Variants in SNX25 observed in about 807,000 individuals in gnomAD.
SNX25 encodes sorting nexin-25.
A neutral mutation model predicts 113.7 loss-of-function variants in SNX25; 62 were observed. The observed-to-expected ratio is 0.55, with a 90% CI of 0.44 to 0.67. The LOEUF is 0.67. Ranked by LOEUF, SNX25 falls within the 30% of genes least tolerant of loss-of-function variation. The pLI, the probability that SNX25 is intolerant of heterozygous loss-of-function variation, is 0.00. For missense variants in SNX25, 1,014 were observed against 1,161.0 expected, an observed-to-expected ratio of 0.87 and a Z score of 1.84; for synonymous variants, 421 against 436.2, an observed-to-expected ratio of 0.97 and a Z score of 0.43.
At chr4:185,366,219 T>C (rs1233221826), downstream of SNX25, 1 of 152,256 alleles carries the variant, frequency 6.6e-6, no homozygotes, top group Non-Finnish European at 1.5e-5. Flanking sequence ...CCTTCATAGA[T>C]GTCATCTATA....
Position 185,310,615 on chromosome 4 carries a change from G to C in SNX25, c.1163-20G>C. 1.9e-6 allele frequency: 3 copies of C among 1,607,714 alleles called. No individual in the cohort carries two copies. Among genetic ancestry groups the C allele is most frequent in the Non-Finnish European group, 2.6e-6 (3 of 1,176,356 alleles). ...ATGCCTTGTCCTCTGACCAGGTACTGTTTCTCACTCCTATTCAAGGTAAAG... is the reference window on the plus strand; with the variant it reads ...ATGCCTTGTCCTCTGACCAGGTACTCTTTCTCACTCCTATTCAAGGTAAAG... On this transcript the variant is annotated intron_variant, in intron 6 of 18. Transcript: ENST00000652585.
intron 9 of SNX25, 150 bp from the exon 10 acceptor site, chr4:185,332,445 C>A: frequency 1.3e-6 from 1 of 754,560 alleles, no homozygotes; most frequent in East Asian, 3.1e-5. Flanking sequence ...TTTGATTTTT[C>A]TCTTTGCTGA....
chr4:185,321,002 A>C, intron 8 of SNX25, 138 bp downstream of exon 8: 1 of 665,292 alleles, frequency 1.5e-6, no homozygotes, highest in Non-Finnish European at 2.2e-6. Flanking sequence ...ATTATGTTCT[A>C]GCCCATAATG....
At chr4:185,318,938 A>G (rs1055269996) in intron 7 of SNX25, among the ~76,000 whole-genome samples, 1 of 152,158 alleles carries the variant, frequency 6.6e-6, no homozygotes, top group African/African-American at 2.4e-5. Context: ...ATATCTCCAC[A>G]GGTAGCTACT....
intron 5 of SNX25, among the ~76,000 whole-genome samples, chr4:185,274,685 A>G (rs1357043474): frequency 6.6e-6 from 1 of 152,228 alleles, no homozygotes; most frequent in African/African-American, 2.4e-5. Context: ...ACTCAAGAGG[A>G]GAAAACTTTG....
In SNX25 at chr4:185,212,467, G is replaced by GTC. The variant is rs1336612748; in HGVS notation, c.429+2213_429+2214insCT. 3.6e-3 allele frequency among the ~76,000 whole-genome samples: 288 copies of GTC among 79,794 alleles called. 6 individuals are homozygous for GTC. Among genetic ancestry groups the GTC allele is most frequent in the African/African-American group, 0.013 (276 of 20,936 alleles). The allele number at this position is 79,794 out of a possible 152,430, so 52.3% of individuals were successfully genotyped here. A position where few individuals can be genotyped will look rare whatever the true frequency, so the allele number is the denominator to read the frequency against. ...GTATTTCCAATAATTTGTGTGATGT[G>GTC]TGTGTGTGTGTGTGTGTGTGTGTGT... On this transcript the variant is annotated intron_variant, in intron 1 of 18. Coordinates refer to ENST00000652585, the MANE Select transcript of SNX25 (RefSeq NM_001378034.2).
At chr4:185,223,489 T>C (rs1740324390) in intron 1 of SNX25, among the ~76,000 whole-genome samples, 1 of 152,150 alleles carries the variant, frequency 6.6e-6, no homozygotes, top group Non-Finnish European at 1.5e-5. Context: ...GGCAAAACTT[T>C]GGCTAGTGGT....
chr4:185,212,491 G>GTGTGTGTGTTTGTTTTT (rs546083196), intron 1 of SNX25, among the ~76,000 whole-genome samples: 2 of 104,944 alleles, frequency 1.9e-5, no homozygotes, highest in East Asian at 2.7e-4. Context: ...GTGTGTGTGT[G>GTGTGTGTGTTTGTTTTT]TTTTTTTTTT....
At chr4:185,307,033 T>TA (rs1283805514) in intron 6 of SNX25, among the ~76,000 whole-genome samples, 1 of 152,202 alleles carries the variant, frequency 6.6e-6, no homozygotes, top group Non-Finnish European at 1.5e-5. Flanking sequence ...TGACAGATCA[T>TA]CTTGAACAAG....
At chr4:185,353,722 A>T in intron 15 of SNX25, 120 bp downstream of exon 15, 1 of 864,604 alleles carries the variant, frequency 1.2e-6, no homozygotes, top group Non-Finnish European at 1.9e-6. Context: ...ATTTATATTC[A>T]TGCATCCATT....
chr4:185,378,106 A>G, the SNX25 span: 442,920 of 1,612,792 alleles, frequency 0.27, 64,729 homozygotes, highest in African/African-American at 0.55. Flanking sequence ...TCCACTGGAA[A>G]AATTTTTGGT....
At position 185,363,258 on chromosome 4, in the gene SNX25, G is replaced by T; in HGVS notation, c.2935-127G>T. 1 of 767,664 alleles carries T rather than the reference G, an allele frequency of 1.3e-6. No individual in the cohort carries two copies. 47.6% of individuals were successfully genotyped at this position (767,664 alleles called of 1,614,324 possible). A position where few individuals can be genotyped will look rare whatever the true frequency, so the allele number is the denominator to read the frequency against. ...GTTACCAATATTAAATACTGTTTGAGAGTTACTTGTTTACTGAGATAATTT... is the reference window on the plus strand; with the variant it reads ...GTTACCAATATTAAATACTGTTTGATAGTTACTTGTTTACTGAGATAATTT... On this transcript the variant is annotated intron_variant, in intron 18 of 18. Coordinates refer to ENST00000652585, the MANE Select transcript of SNX25 (RefSeq NM_001378034.2). This position sits in a 1 kb window ranked among gnomAD's most constrained non-coding sequence, Gnocchi z 4.2.
intron 1 of SNX25, among the ~76,000 whole-genome samples, chr4:185,218,870 C>T (rs1739322845): frequency 7.3e-6 from 1 of 137,650 alleles, no homozygotes. Flanking sequence ...GGTGAGTTTA[C>T]ATAAATTAAA....
intron 10 of SNX25, among the ~76,000 whole-genome samples, chr4:185,338,420 C>T (rs1048089857): frequency 3.3e-5 from 5 of 151,540 alleles, no homozygotes; most frequent in East Asian, 1.9e-4. Flanking sequence ...GGATTATAGG[C>T]GCCGCCCCCA....
chr4:185,245,602 G>A (rs1744754970), intron 1 of SNX25, among the ~76,000 whole-genome samples: 1 of 152,078 alleles, frequency 6.6e-6, no homozygotes, highest in African/African-American at 2.4e-5. Context: ...GCCTCCCAAA[G>A]TGCTAGGATT....
rs1397538491 is a variant in SNX25, at chr4:185,296,508, C to A, written c.1162+8426C>A. On this transcript the variant is annotated intron_variant, in intron 6 of 18. Coordinates refer to ENST00000652585, the MANE Select transcript of SNX25 (RefSeq NM_001378034.2). Reference sequence around the variant, plus strand: ...TTTATTTGATTTTTTTCTTGATGGCCTTTTTCTTTTGGAATTTTGGTCTTT... The same window carrying A: ...TTTATTTGATTTTTTTCTTGATGGCATTTTTCTTTTGGAATTTTGGTCTTT... Among the ~76,000 whole-genome samples, 4 of 151,894 alleles carry A rather than the reference C, an allele frequency of 2.6e-5. No individual in the cohort carries two copies. In the South Asian group the frequency reaches 6.2e-4, roughly 24 times the overall value.
intron 1 of SNX25, among the ~76,000 whole-genome samples, chr4:185,212,496 T>TGTTTTTTTG (rs1553980595): frequency 2.0e-4 from 28 of 142,818 alleles, no homozygotes; most frequent in Non-Finnish European, 3.6e-4. Flanking sequence ...TGTGTGTTTT[T>TGTTTTTTTG]TTTTTTTTTT....
chr4:185,229,519 C>T (rs1170693113), intron 1 of SNX25, among the ~76,000 whole-genome samples: 1 of 152,142 alleles, frequency 6.6e-6, no homozygotes. Context: ...AGGAAGATTG[C>T]ATTATCCATT....
intron 1 of SNX25, among the ~76,000 whole-genome samples, 199 bp from the exon 2 acceptor site, chr4:185,247,095 G>A (rs1744966215): frequency 6.6e-6 from 1 of 151,982 alleles, no homozygotes. Context: ...TTGATATCTG[G>A]TAGGGAAAAT....
Sources: gnomAD v4.1 joint callset for allele counts (sites outside exome capture counted in the v4.1 genomes callset) on GRCh38, gnomAD v4.1.1 for gene constraint, Gnocchi (gnomAD v3.1) non-coding constraint, MANE v1.5 for transcripts, NCBI Gene and HGNC (gene_info 2026-07-23, HGNC 2026-07-21) for gene names.